DPYD: variants seen among roughly 807,000 people sequenced by gnomAD.
DPYD encodes the protein dihydropyrimidine dehydrogenase.
A neutral mutation model predicts 116.2 loss-of-function variants in DPYD; 109 were observed. The observed-to-expected ratio is 0.94, with a 90% CI of 0.80 to 1.10. The LOEUF (loss-of-function observed/expected upper bound fraction) is 1.10. DPYD is among the 50% of genes least tolerant of loss of function. The pLI is 0.00. For missense variants in DPYD, 1,302 were observed against 1,254.5 expected (o/e 1.04, Z -0.57); for synonymous variants, 440 against 432.0 (o/e 1.02, Z -0.23).
chr1:97,529,721 TTTTCTTTCC>T lies in DPYD; in HGVS notation c.1525-13789_1525-13781del, dbSNP rs1383164331. ...CCTTTCTTTTTTCTTTCTTCCTTTCTTTTCTTTCCTTTCTTTCCTTCTTTCCCTTCCTTT... is the reference window on the plus strand; with the variant it reads ...CCTTTCTTTTTTCTTTCTTCCTTTCTTTTCTTTCCTTCTTTCCCTTCCTTT... On this transcript the variant is annotated intron_variant, in intron 12 of 22. Coordinates refer to ENST00000370192, the MANE Select transcript of DPYD (RefSeq NM_000110.4). Among the ~76,000 whole-genome samples the T allele has an allele frequency of 5.5e-4, 82 of 149,106 alleles. 2 individuals are homozygous for T. Among genetic ancestry groups the T allele is most frequent in the Non-Finnish European group, 2.0e-4 (13 of 66,130 alleles).
chr1:97,571,747 T>C (rs1219659044), intron 11 of DPYD, among the ~76,000 whole-genome samples: 1 of 151,984 alleles, frequency 6.6e-6, no homozygotes, highest in Non-Finnish European at 1.5e-5. Flanking sequence ...TCCAATAAAA[T>C]GCTTTTCATT....
intron 20 of DPYD, among the ~76,000 whole-genome samples, chr1:97,125,598 A>G (rs898057945): frequency 2.0e-5 from 3 of 152,074 alleles, no homozygotes; most frequent in Non-Finnish European, 2.9e-5. Context: ...TCCTCCCCCA[A>G]TTCATATATT....
chr1:97,541,901 C>G (rs960529450), intron 12 of DPYD, among the ~76,000 whole-genome samples: 3 of 152,044 alleles, frequency 2.0e-5, no homozygotes, highest in Non-Finnish European at 2.9e-5. Flanking sequence ...AATAAATATG[C>G]CTGGACTCCA....
At chr1:97,918,023 A>C (rs904675159) in intron 1 of DPYD, among the ~76,000 whole-genome samples, 1 of 152,202 alleles carries the variant, frequency 6.6e-6, no homozygotes, top group Non-Finnish European at 1.5e-5. Flanking sequence ...CTTTGAAACC[A>C]TCCCAGGAGA....
chr1:97,758,314 C>T (rs1665370434), intron 3 of DPYD, among the ~76,000 whole-genome samples: 1 of 151,832 alleles, frequency 6.6e-6, no homozygotes, highest in Admixed American at 6.6e-5. Context: ...GGCCATTACC[C>T]CATATCCTCT....
chr1:97,650,947 T>C (rs1473427252), intron 8 of DPYD, among the ~76,000 whole-genome samples: 1 of 152,106 alleles, frequency 6.6e-6, no homozygotes, highest in Non-Finnish European at 1.5e-5. Context: ...ACATGTCACC[T>C]AACTAAAAAT....
intron 13 of DPYD, among the ~76,000 whole-genome samples, chr1:97,494,777 CAT>C (rs1491166224): frequency 0.095 from 14,169 of 149,272 alleles, 701 homozygotes; most frequent in Non-Finnish European, 0.099. Context: ...CACACACACA[CAT>C]ACGCACACAC....
intron 16 of DPYD, among the ~76,000 whole-genome samples, chr1:97,316,705 G>A (rs573715687): frequency 1.1e-4 from 16 of 151,332 alleles, no homozygotes; most frequent in South Asian, 6.3e-4. Flanking sequence ...CTCCCTTTCC[G>A]CTATCTGTAC....
chr1:97,845,474 C>G (rs1670247530), intron 2 of DPYD, among the ~76,000 whole-genome samples: 1 of 152,170 alleles, frequency 6.6e-6, no homozygotes, highest in Non-Finnish European at 1.5e-5. Context: ...GAGCTGGACA[C>G]TCATTAGGAC....
At chr1:97,905,097 G>A (rs1183120655) in intron 1 of DPYD, among the ~76,000 whole-genome samples, 1 of 151,992 alleles carries the variant, frequency 6.6e-6, no homozygotes, top group Admixed American at 6.6e-5. Flanking sequence ...GAATTTCATA[G>A]ATTCTGGATT....
intron 20 of DPYD, among the ~76,000 whole-genome samples, chr1:97,105,397 A>T (rs1274059172): frequency 6.6e-6 from 1 of 152,092 alleles, no homozygotes; most frequent in Non-Finnish European, 1.5e-5. Flanking sequence ...TAATTTTAAG[A>T]TGTTTGCATT....
intron 2 of DPYD, among the ~76,000 whole-genome samples, chr1:97,842,530 T>C (rs1670087288): frequency 6.6e-6 from 1 of 152,054 alleles, no homozygotes. Context: ...CTTTCTACAA[T>C]TCATACAGGA....
chr1:97,317,018 T>C (rs1203046606), intron 16 of DPYD, among the ~76,000 whole-genome samples: 1 of 151,942 alleles, frequency 6.6e-6, no homozygotes, highest in Non-Finnish European at 1.5e-5. Flanking sequence ...TCGAGAGCCA[T>C]ACATTGGCCA....
At chr1:97,814,928 GAGAGGAAAGAAAGAAA>G (rs1482121516) in intron 3 of DPYD, among the ~76,000 whole-genome samples, 17 of 110,490 alleles carry the variant, frequency 1.5e-4, no homozygotes, top group African/African-American at 4.4e-4. Context: ...AAAAGAAAGA[GAGAGGAAAGAAAGAAA>G]GAAAGAAAGA....
At chr1:97,805,075 A>T (rs1040377812) in intron 3 of DPYD, among the ~76,000 whole-genome samples, 1 of 151,980 alleles carries the variant, frequency 6.6e-6, no homozygotes, top group Non-Finnish European at 1.5e-5. Context: ...CTTACTAAAA[A>T]TTACAGTCAG....
chr1:97,318,377 T>G (rs1667998360), intron 16 of DPYD, among the ~76,000 whole-genome samples: 1 of 136,382 alleles, frequency 7.3e-6, no homozygotes. Context: ...AATAAAAGGA[T>G]GGAGGAAGAT....
intron 18 of DPYD, among the ~76,000 whole-genome samples, chr1:97,261,493 CTTTTTTTT>C (rs1210765677): frequency 4.1e-5 from 5 of 122,474 alleles, no homozygotes; most frequent in African/African-American, 1.6e-4. Context: ...GACTATGCAT[CTTTTTTTT>C]TTTTTTTTTT....
rs1669339156 is a variant in DPYD at position 97,828,209 on chromosome 1, T to G, written c.151-13A>C. On this transcript the variant is annotated splice_polypyrimidine_tract_variant and intron_variant, in intron 2 of 22. Coordinates refer to ENST00000370192, the MANE Select transcript of DPYD (RefSeq NM_000110.4). ...GCTTCTCACAATTCTGCAACATATT[T>G]AAAAATTGCATTAATTCTCTAAGAT... The G allele has an allele frequency of 6.2e-7, 1 of 1,610,738 alleles. No individual in the cohort carries two copies. The highest frequency in any genetic ancestry group is 8.5e-7 in the Non-Finnish European group (1 of 1,178,348).
chr1:97,859,098 T>C (rs562864426), intron 2 of DPYD, among the ~76,000 whole-genome samples: 2 of 152,152 alleles, frequency 1.3e-5, no homozygotes, highest in East Asian at 1.9e-4. Flanking sequence ...TAAAAATAAG[T>C]GATTTTTCTG....
Sources: allele counts gnomAD v4.1 joint callset (sites outside exome capture counted in the v4.1 genomes callset), GRCh38; gene constraint gnomAD v4.1.1; transcripts MANE v1.5; gene names NCBI Gene and HGNC (gene_info 2026-07-23, HGNC 2026-07-21).